The following TRAPPC9 variants were observed in gnomAD, a reference collection of about 807,000 sequenced individuals.
TRAPPC9 encodes the protein IKK2 binding protein.
TRAPPC9 carries 83 observed loss-of-function variants against 124.0 expected under a neutral mutation model. That is an observed-to-expected ratio of 0.67 (90% confidence interval 0.56 to 0.80). The LOEUF is 0.80. Among genes scored for constraint, TRAPPC9 ranks in the 30% least tolerant of loss-of-function variants. TRAPPC9 has a pLI of 0.00. For missense variants in TRAPPC9, 1,302 were observed against 1,508.3 expected, an observed-to-expected ratio of 0.86 and a Z score of 2.27; for synonymous variants, 638 against 617.5, an observed-to-expected ratio of 1.03 and a Z score of -0.49.
At chr8:140,164,958 G>A (rs887789039) in intron 17 of TRAPPC9, among the ~76,000 whole-genome samples, 1 of 152,164 alleles carries the variant, frequency 6.6e-6, no homozygotes, top group Non-Finnish European at 1.5e-5. Flanking sequence ...GGGATGATGG[G>A]GCCACAATAC....
chr8:140,001,944 A>C (rs1383055576), intron 18 of TRAPPC9, among the ~76,000 whole-genome samples: 1 of 152,234 alleles, frequency 6.6e-6, no homozygotes, highest in South Asian at 2.1e-4. Flanking sequence ...TCAATTAAAT[A>C]AATTAAACAT....
chr8:140,134,111 A>ATT (rs2061253417), intron 17 of TRAPPC9, among the ~76,000 whole-genome samples: 2 of 152,216 alleles, frequency 1.3e-5, no homozygotes, highest in Admixed American at 1.3e-4. Flanking sequence ...AAAAGAACAA[A>ATT]GTTAGAGGAC....
rs2071455930 is a variant in TRAPPC9, at chr8:140,451,326, C to G, written c.48G>C (p.Leu16=). Reference sequence around the variant, plus strand: ...TGCCCACAGGCTGGACCACCACGAGCAGCGTCTGGTGGTCCTCAGCACACT... The same window carrying G: ...TGCCCACAGGCTGGACCACCACGAGGAGCGTCTGGTGGTCCTCAGCACACT... The part of the protein sequence containing the change: ...YMQCAEDHQT[L]LVVVQPVGIV... The change falls in exon 2 of 23, where the codon CTG becomes CTC. Residue 16 remains leucine (L), a synonymous_variant. Transcript: ENST00000438773. The G allele has an allele frequency of 1.9e-6, 3 of 1,606,960 alleles. No individual in the cohort carries two copies.
At chr8:140,302,398 C>T (rs1469275384) in intron 10 of TRAPPC9, among the ~76,000 whole-genome samples, 1 of 152,228 alleles carries the variant, frequency 6.6e-6, no homozygotes, top group Non-Finnish European at 1.5e-5. Flanking sequence ...AGCTGTGAGC[C>T]TGCTGAGGAC....
intron 5 of TRAPPC9, among the ~76,000 whole-genome samples, chr8:140,413,914 T>C (rs917431738): frequency 2.6e-5 from 4 of 151,952 alleles, no homozygotes; most frequent in Non-Finnish European, 4.4e-5. Context: ...CTATCATTGT[T>C]GGACATTTGG....
At chr8:140,002,020 C>G (rs1236377771) in intron 18 of TRAPPC9, among the ~76,000 whole-genome samples, 10 of 151,830 alleles carry the variant, frequency 6.6e-5, no homozygotes, top group Non-Finnish European at 1.5e-4. Context: ...TGCATTCTAC[C>G]AAGCATTTCA....
chr8:140,242,462 G>A (rs1164172780), intron 16 of TRAPPC9, among the ~76,000 whole-genome samples: 4 of 152,136 alleles, frequency 2.6e-5, no homozygotes, highest in African/African-American at 4.8e-5. Context: ...GACTCTTGCC[G>A]GCACTTCCCA....
At chr8:139,956,718 C>T (rs1051824528) in intron 19 of TRAPPC9, among the ~76,000 whole-genome samples, 4 of 152,238 alleles carry the variant, frequency 2.6e-5, no homozygotes, top group Non-Finnish European at 5.9e-5. Context: ...ACTGGCCAGA[C>T]TGCTTCCATC....
intron 17 of TRAPPC9, among the ~76,000 whole-genome samples, chr8:140,113,909 G>A (rs1052274989): frequency 1.3e-5 from 2 of 152,166 alleles, no homozygotes; most frequent in African/African-American, 4.8e-5. Flanking sequence ...CTGTGAAGCT[G>A]CACCCACGCT....
intron 21 of TRAPPC9, among the ~76,000 whole-genome samples, chr8:139,785,981 C>T (rs908141592): frequency 6.6e-6 from 1 of 151,848 alleles, no homozygotes; most frequent in African/African-American, 2.4e-5. Flanking sequence ...GCTGAGGCAG[C>T]GGATCACCTG....
At position 140,457,625 on chromosome 8, in the gene TRAPPC9, C is replaced by T. The variant is rs1012219131; in HGVS notation, c.-11+14G>A. 12 of 985,682 alleles carry T rather than the reference C, an allele frequency of 1.2e-5. No individual in the cohort carries two copies. Among genetic ancestry groups the T allele is most frequent in the South Asian group, 4.7e-5 (1 of 21,356 alleles). 61.1% of individuals were successfully genotyped at this position (985,682 alleles called of 1,614,324 possible). On this transcript the variant is annotated intron_variant, in intron 1 of 22. Transcript: ENST00000438773. The stretch of plus-strand genomic sequence containing the variant: ...CGAATTGCCTGACCGGGAGCCCCCC[C>T]GCTTTGCACTTACACAGCCGGTGGC...
chr8:139,835,673 T>G (rs1826288743), intron 21 of TRAPPC9, among the ~76,000 whole-genome samples: 1 of 152,094 alleles, frequency 6.6e-6, no homozygotes, highest in Non-Finnish European at 1.5e-5. Context: ...CTTTCTTTAA[T>G]TAAGGCGGAG....
At chr8:139,882,634 G>A (rs1324958946) in intron 21 of TRAPPC9, among the ~76,000 whole-genome samples, 1 of 152,190 alleles carries the variant, frequency 6.6e-6, no homozygotes, top group East Asian at 1.9e-4. Context: ...GTCATCTATG[G>A]GGAAAGGGAG....
intron 17 of TRAPPC9, among the ~76,000 whole-genome samples, chr8:140,075,917 C>T (rs1452246346): frequency 2.6e-5 from 4 of 152,222 alleles, no homozygotes; most frequent in Admixed American, 2.0e-4. Context: ...TGATTTGAAG[C>T]AACTAAACAT....
intron 9 of TRAPPC9, among the ~76,000 whole-genome samples, chr8:140,341,097 T>A (rs2067182969): frequency 6.6e-6 from 1 of 152,210 alleles, no homozygotes; most frequent in African/African-American, 2.4e-5. Context: ...AAGCATTTAT[T>A]GAGCCTCTAT....
intron 21 of TRAPPC9, among the ~76,000 whole-genome samples, chr8:139,807,957 C>T (rs1824182903): frequency 1.3e-5 from 2 of 151,986 alleles, no homozygotes; most frequent in Non-Finnish European, 1.5e-5. Flanking sequence ...GAAGGGCATT[C>T]GGGTGTGGGG....
chr8:140,195,393 A>G (rs988503147), intron 17 of TRAPPC9, among the ~76,000 whole-genome samples: 1 of 151,720 alleles, frequency 6.6e-6, no homozygotes, highest in African/African-American at 2.4e-5. Flanking sequence ...AAAACACTCA[A>G]TGATCCATTG....
chr8:140,169,019 G>A lies in TRAPPC9; in HGVS notation c.2556+52440C>T, dbSNP rs150045705. ...GACACAAACTGTTTTCGAGGGGCTC[G>A]CGGTCCCCTGGAAGGACAGGCAGAT... is the stretch of plus-strand genomic sequence containing the variant. On this transcript the variant is annotated intron_variant, in intron 17 of 22. Coordinates refer to ENST00000438773, the MANE Select transcript of TRAPPC9 (RefSeq NM_001160372.4). 3.9e-3 allele frequency among the ~76,000 whole-genome samples: 584 copies of A among 150,978 alleles called. 6 individuals carry two copies. The highest frequency in any genetic ancestry group is 0.013 in the African/African-American group (538 of 40,346).
chr8:140,272,135 G>GTGATGA (rs1243464840), intron 15 of TRAPPC9, among the ~76,000 whole-genome samples: 2 of 143,270 alleles, frequency 1.4e-5, no homozygotes, highest in African/African-American at 5.8e-5. Context: ...GGTGGCGATG[G>GTGATGA]TGATGGTGAT....
Sources: gnomAD v4.1 joint callset for allele counts (sites outside exome capture counted in the v4.1 genomes callset) on GRCh38, gnomAD v4.1.1 for gene constraint, MANE v1.5 for transcripts, NCBI Gene and HGNC (gene_info 2026-07-23, HGNC 2026-07-21) for gene names.